WDPCP: variants seen among roughly 807,000 people sequenced by gnomAD.
The protein encoded by WDPCP is WD repeat-containing and planar cell polarity effector protein fritz homolog.
A neutral mutation model predicts 93.1 loss-of-function variants in WDPCP; 71 were observed. The ratio of observed to expected loss-of-function variants is 0.76; its 90% CI spans 0.63 to 0.93. WDPCP has a LOEUF of 0.93. Ranked by LOEUF, WDPCP falls within the 40% of genes least tolerant of loss-of-function variation. The probability of loss-of-function intolerance (pLI) is 0.00; values close to 1 mark genes in which losing one functional copy is unlikely to be tolerated. For synonymous variants in WDPCP, 315 were observed against 315.0 expected, an observed-to-expected ratio of 1.00 and a Z score of 0.00; for missense variants, 844 against 887.4, an observed-to-expected ratio of 0.95 and a Z score of 0.62.
At chr2:63,807,467 C>G (rs1310823572) in intron 2 of WDPCP, among the ~76,000 whole-genome samples, 1 of 152,186 alleles carries the variant, frequency 6.6e-6, no homozygotes, top group African/African-American at 2.4e-5. Flanking sequence ...CTGGCCCTTA[C>G]CAGAAGCAGA....
chr2:63,817,517 G>T (rs2104112328), intron 1 of WDPCP, among the ~76,000 whole-genome samples: 1 of 152,230 alleles, frequency 6.6e-6, no homozygotes, highest in East Asian at 1.9e-4. Context: ...TAAGGTAGGG[G>T]TTGACAAACT....
intron 9 of WDPCP, among the ~76,000 whole-genome samples, chr2:63,406,881 A>G (rs555394208): frequency 6.6e-6 from 1 of 152,220 alleles, no homozygotes; most frequent in Admixed American, 6.5e-5. Context: ...CAGGGGAGAA[A>G]GGTGGAAGGA....
chr2:63,691,138 G>A (rs1668882795), intron 2 of WDPCP, among the ~76,000 whole-genome samples: 1 of 152,156 alleles, frequency 6.6e-6, no homozygotes, highest in African/African-American at 2.4e-5. Flanking sequence ...TTAGCATCCA[G>A]CTTTTAGTCT....
At chr2:63,387,174 CA>C (rs979897560) in intron 10 of WDPCP, among the ~76,000 whole-genome samples, 6 of 151,698 alleles carry the variant, frequency 4.0e-5, no homozygotes, top group Non-Finnish European at 8.8e-5. Flanking sequence ...GGCAGAGAGA[CA>C]ACAAAAAAAG....
At chr2:63,497,459 A>T (rs1701300747) in intron 1 of WDPCP, among the ~76,000 whole-genome samples, 1 of 152,192 alleles carries the variant, frequency 6.6e-6, no homozygotes, top group African/African-American at 2.4e-5. Context: ...CGGGAGGAAG[A>T]TAGTCAAATG....
At chr2:63,189,419 A>G (rs1674875188) in intron 14 of WDPCP, among the ~76,000 whole-genome samples, 1 of 152,206 alleles carries the variant, frequency 6.6e-6, no homozygotes, top group African/African-American at 2.4e-5. Flanking sequence ...CCTGTAGTCC[A>G]TTAACTAATT....
At chr2:63,622,208 G>A in intron 3 of WDPCP, 4 of 1,602,940 alleles carry the variant, frequency 2.5e-6, no homozygotes, top group Non-Finnish European at 3.4e-6. Context: ...GCTGCTTCTT[G>A]GTGGCCGCCT....
chr2:63,798,966 A>AT (rs1223449971), intron 2 of WDPCP, among the ~76,000 whole-genome samples: 1 of 152,166 alleles, frequency 6.6e-6, no homozygotes, highest in African/African-American at 2.4e-5. Flanking sequence ...AGAATTACTT[A>AT]TTTTGAATTT....
chr2:63,259,481 G>A (rs1259464503), intron 13 of WDPCP, 72 bp from the exon 14 acceptor site: 24 of 1,162,464 alleles, frequency 2.1e-5, no homozygotes, highest in Non-Finnish European at 3.1e-5. Flanking sequence ...GGATTTTGAA[G>A]GAAACTTATT....
upstream of WDPCP, among the ~76,000 whole-genome samples, chr2:63,591,513 C>T (rs1709201184): frequency 6.6e-6 from 1 of 152,200 alleles, no homozygotes; most frequent in Non-Finnish European, 1.5e-5. Context: ...TAAGTAGCTA[C>T]TAAAATTGAC....
At chr2:63,259,492 G>T in intron 13 of WDPCP, 83 bp from the exon 14 acceptor site, 1 of 1,071,662 alleles carries the variant, frequency 9.3e-7, no homozygotes, top group Non-Finnish European at 1.4e-6. Flanking sequence ...GAAACTTATT[G>T]TCCAGATTAC....
chr2:63,465,710 A>C (rs1320798903), intron 6 of WDPCP, among the ~76,000 whole-genome samples: 1 of 152,226 alleles, frequency 6.6e-6, no homozygotes, highest in Admixed American at 6.5e-5. Flanking sequence ...GAAGACAGGC[A>C]CCACAAAACT....
At chr2:63,377,046 A>G (rs1328350923) in intron 12 of WDPCP, among the ~76,000 whole-genome samples, 2 of 151,912 alleles carry the variant, frequency 1.3e-5, no homozygotes, top group East Asian at 3.8e-4. Flanking sequence ...AAAAATTTCC[A>G]GGTATTTTAT....
chr2:63,159,957 C>G (rs1051995037), intron 15 of WDPCP, among the ~76,000 whole-genome samples: 6 of 152,154 alleles, frequency 3.9e-5, no homozygotes, highest in Non-Finnish European at 7.4e-5. Flanking sequence ...GAAGCTGCAT[C>G]TTTAGTTATC....
chr2:63,794,678 C>A (rs1041275973), intron 2 of WDPCP, among the ~76,000 whole-genome samples: 1 of 152,178 alleles, frequency 6.6e-6, no homozygotes, highest in African/African-American at 2.4e-5. Flanking sequence ...TCTAGACTTC[C>A]AGTTGTGTGC....
intron 6 of WDPCP, among the ~76,000 whole-genome samples, chr2:63,469,358 A>G (rs1353753926): frequency 6.6e-6 from 1 of 152,230 alleles, no homozygotes; most frequent in Non-Finnish European, 1.5e-5. Flanking sequence ...GATATACCCA[A>G]AGGAATATAA....
At chr2:63,183,970 C>A (rs1674439932) in intron 14 of WDPCP, among the ~76,000 whole-genome samples, 1 of 151,962 alleles carries the variant, frequency 6.6e-6, no homozygotes, top group African/African-American at 2.4e-5. Context: ...TCTGTTTGTG[C>A]AGGAGATCTG....
At chr2:63,377,821 G>C (rs1295233055) in intron 12 of WDPCP, 1 of 152,710 alleles carries the variant, frequency 6.5e-6, no homozygotes, top group African/African-American at 2.4e-5. Context: ...ACATGCTATT[G>C]TATTTTTCCT....
At chr2:63,326,525 A>G (rs1226981384) in intron 12 of WDPCP, among the ~76,000 whole-genome samples, 1 of 151,408 alleles carries the variant, frequency 6.6e-6, no homozygotes, top group African/African-American at 2.4e-5. Flanking sequence ...AAAGAGAGAA[A>G]GAGACAGAGA....
Sources: allele counts gnomAD v4.1 joint callset (sites outside exome capture counted in the v4.1 genomes callset), GRCh38; gene constraint gnomAD v4.1.1; transcripts MANE v1.5; gene names NCBI Gene and HGNC (gene_info 2026-07-23, HGNC 2026-07-21).